The following MERTK variants were observed in gnomAD, a reference collection of about 807,000 sequenced individuals.
MERTK encodes the protein tyrosine-protein kinase Mer.
In MERTK, 69 loss-of-function variants were observed where a neutral mutation model predicts 99.3. The observed-to-expected ratio is 0.70, with a 90% CI of 0.57 to 0.85. MERTK has a LOEUF of 0.85. Among genes scored for constraint, MERTK ranks in the 40% least tolerant of loss-of-function variants. The probability of loss-of-function intolerance (pLI) is 0.00; values close to 1 mark genes in which losing one functional copy is unlikely to be tolerated. For synonymous variants in MERTK, 426 were observed against 467.6 expected, an observed-to-expected ratio of 0.91 and a Z score of 1.15; for missense variants, 1,125 against 1,249.4, an observed-to-expected ratio of 0.90 and a Z score of 1.50.
intron 2 of MERTK, among the ~76,000 whole-genome samples, chr2:111,935,398 A>G (rs1684746726): frequency 6.6e-6 from 1 of 152,158 alleles, no homozygotes; most frequent in South Asian, 2.1e-4. Context: ...TCCCTGACGT[A>G]TTAATTTAGA....
intron 15 of MERTK, among the ~76,000 whole-genome samples, chr2:112,019,015 GACACAC>G (rs56346356): frequency 1.3e-5 from 2 of 150,792 alleles, no homozygotes; most frequent in South Asian, 2.1e-4. Flanking sequence ...TTAGACCCCT[GACACAC>G]ACACACACAC....
chr2:111,965,078 A>G, intron 4 of MERTK, 113 bp from the exon 5 acceptor site: 1 of 1,038,400 alleles, frequency 9.6e-7, no homozygotes, highest in Non-Finnish European at 1.5e-6. Context: ...CTTTGCACTA[A>G]TGCCCAAAAG....
At chr2:111,961,619 G>A (rs1202538644) in intron 4 of MERTK, among the ~76,000 whole-genome samples, 1 of 152,090 alleles carries the variant, frequency 6.6e-6, no homozygotes, top group African/African-American at 2.4e-5. Context: ...GGTTACCACC[G>A]AATCATAGGA....
At chr2:111,947,610 G>C (rs17042096) in intron 4 of MERTK, 43 bp downstream of exon 4, 3 of 1,608,914 alleles carry the variant, frequency 1.9e-6, no homozygotes, top group Non-Finnish European at 2.5e-6. Flanking sequence ...CTCTAATAGC[G>C]GACAGGATCA....
At chr2:111,948,576 A>C (rs1317973595) in intron 4 of MERTK, among the ~76,000 whole-genome samples, 1 of 152,082 alleles carries the variant, frequency 6.6e-6, no homozygotes, top group Non-Finnish European at 1.5e-5. Context: ...TCCACTCCAG[A>C]ATTCTCCATC....
At chr2:111,964,702 T>C (rs1465588002) in intron 4 of MERTK, among the ~76,000 whole-genome samples, 2 of 152,246 alleles carry the variant, frequency 1.3e-5, no homozygotes, top group Non-Finnish European at 2.9e-5. Flanking sequence ...TGATGCATCC[T>C]TGTGAATTGA....
At chr2:111,914,077 T>TTTTCTTTCTTTCTTTCTTTC (rs563885531) in intron 1 of MERTK, among the ~76,000 whole-genome samples, 3 of 123,114 alleles carry the variant, frequency 2.4e-5, no homozygotes, top group African/African-American at 8.7e-5. Context: ...TGTGCCCCTC[T>TTTTCTTTCTTTCTTTCTTTC]TTTCTTTCTT....
At chr2:111,989,082 C>A (rs1437838538) in intron 8 of MERTK, among the ~76,000 whole-genome samples, 2 of 152,160 alleles carry the variant, frequency 1.3e-5, no homozygotes, top group Non-Finnish European at 2.9e-5. Flanking sequence ...AAAACCAGGG[C>A]TTTTCAGAAC....
chr2:111,904,182 T>G (rs1269520955), intron 1 of MERTK, among the ~76,000 whole-genome samples: 1 of 152,208 alleles, frequency 6.6e-6, no homozygotes, highest in Non-Finnish European at 1.5e-5. Context: ...CCTTCCCTTA[T>G]GGAGTTCAAA....
At chr2:111,928,730 C>T (rs1684613351) in intron 1 of MERTK, among the ~76,000 whole-genome samples, 1 of 152,192 alleles carries the variant, frequency 6.6e-6, no homozygotes, top group Non-Finnish European at 1.5e-5. Context: ...AGGTGATCCT[C>T]CTGTCTCGAC....
At chr2:111,960,395 C>T (rs1481112296) in intron 4 of MERTK, among the ~76,000 whole-genome samples, 2 of 149,326 alleles carry the variant, frequency 1.3e-5, no homozygotes, top group East Asian at 2.0e-4. Context: ...GCAGGAGAAT[C>T]GCTTGAACCT....
At chr2:112,012,767 A>C (rs1384188671) in intron 15 of MERTK, among the ~76,000 whole-genome samples, 1 of 152,202 alleles carries the variant, frequency 6.6e-6, no homozygotes, top group Non-Finnish European at 1.5e-5. Flanking sequence ...ATAGAGTTAC[A>C]GTGAACCATG....
chr2:112,005,740 A>G (rs780204297), intron 13 of MERTK, among the ~76,000 whole-genome samples: 1 of 152,116 alleles, frequency 6.6e-6, no homozygotes. Context: ...AACCCCTTGT[A>G]CCTATTCAAT....
At position 112,018,331 on chromosome 2, in the gene MERTK, C is replaced by T. The variant is rs191675810; in HGVS notation, c.2080-1082C>T. On this transcript the variant is annotated intron_variant, in intron 15 of 18. Coordinates refer to ENST00000295408, the MANE Select transcript of MERTK (RefSeq NM_006343.3). The stretch of plus-strand genomic sequence containing the variant: ...CTCATTACATCTTCATGAATGACAG[C>T]AAGATGCAATATTTCTTATGACCCA... 1.6e-3 allele frequency among the ~76,000 whole-genome samples: 244 copies of T among 152,234 alleles called. 2 individuals are homozygous for T. Among genetic ancestry groups the T allele is most frequent in the African/African-American group, 5.5e-3 (229 of 41,538 alleles).
chr2:111,939,903 A>G (rs1259366630), intron 2 of MERTK, among the ~76,000 whole-genome samples: 4 of 152,010 alleles, frequency 2.6e-5, no homozygotes, highest in African/African-American at 4.8e-5. Flanking sequence ...GCATCTCCTC[A>G]CACCACAACA....
At position 112,010,879 on chromosome 2, in the gene MERTK, A is replaced by G. The variant is rs79177086; in HGVS notation, c.2079+813A>G. Among the ~76,000 whole-genome samples, 104 of 152,254 alleles carry G rather than the reference A, an allele frequency of 6.8e-4. No individual in the cohort carries two copies. In the East Asian group the frequency reaches 0.017, roughly 24 times the overall value. On this transcript the variant is annotated intron_variant, in intron 15 of 18. Coordinates refer to ENST00000295408, the MANE Select transcript of MERTK (RefSeq NM_006343.3). The stretch of plus-strand genomic sequence containing the variant: ...CCTTGCACGCATCTTCTCTGTTGCA[A>G]AAGGCAGCGATCCTGCGGGGTTCTG...
intron 4 of MERTK, chr2:111,952,607 G>A (rs1393811348): frequency 1.3e-5 from 2 of 152,214 alleles, no homozygotes; most frequent in Non-Finnish European, 2.9e-5. Context: ...GGAACCGAGT[G>A]TTGTTGCTTT....
intron 4 of MERTK, among the ~76,000 whole-genome samples, chr2:111,950,909 C>G (rs1256441329): frequency 6.6e-6 from 1 of 152,070 alleles, no homozygotes; most frequent in Non-Finnish European, 1.5e-5. Context: ...TACATTATAT[C>G]TCTTCATTTA....
intron 2 of MERTK, among the ~76,000 whole-genome samples, chr2:111,938,982 A>G (rs769684525): frequency 1.3e-4 from 20 of 152,180 alleles, no homozygotes; most frequent in Non-Finnish European, 2.2e-4. Flanking sequence ...TTTTGTAGCT[A>G]TGGAAATTCT....
Sources: gnomAD v4.1 joint callset for allele counts (sites outside exome capture counted in the v4.1 genomes callset) on GRCh38, gnomAD v4.1.1 for gene constraint, MANE v1.5 for transcripts, NCBI Gene and HGNC (gene_info 2026-07-23, HGNC 2026-07-21) for gene names.